The following ACLY variants were observed in gnomAD, a reference collection of about 807,000 sequenced individuals.
ACLY encodes the protein ATP-citrate synthase.
A neutral mutation model predicts 133.0 loss-of-function variants in ACLY; 41 were observed. That is an observed-to-expected ratio of 0.31 (90% CI 0.24 to 0.40). The LOEUF (loss-of-function observed/expected upper bound fraction) is 0.40, where lower values mean the gene tolerates loss of function less well. ACLY is among the 10% of genes least tolerant of loss of function. ACLY has a pLI of 1.00. For synonymous variants in ACLY, 495 were observed against 549.3 expected, an observed-to-expected ratio of 0.90 and a Z score of 1.38; for missense variants, 1,046 against 1,453.8, an observed-to-expected ratio of 0.72 and a Z score of 4.56.
At chr17:41,907,382 A>G in intron 7 of ACLY, 60 bp downstream of exon 7, 1 of 1,539,428 alleles carries the variant, frequency 6.5e-7, no homozygotes, top group East Asian at 2.3e-5. Context: ...CACATCAAAG[A>G]TGAGTCACCT....
intron 20 of ACLY, among the ~76,000 whole-genome samples, chr17:41,882,829 T>C (rs782292101): frequency 6.6e-6 from 1 of 152,112 alleles, no homozygotes; most frequent in Non-Finnish European, 1.5e-5. Flanking sequence ...AGTTCAAACA[T>C]CACCTTCTCA....
At chr17:41,911,456 C>T (rs1555633632) in intron 3 of ACLY, among the ~76,000 whole-genome samples, 3 of 152,210 alleles carry the variant, frequency 2.0e-5, no homozygotes, top group African/African-American at 7.2e-5. Context: ...TCTTACCCTT[C>T]CTAAACCATG....
rs1058875 is a variant in ACLY, at chr17:41,912,479, T to C, written c.223A>G (p.Asn75Asp). 5 of 1,614,262 alleles carry C rather than the reference T, an allele frequency of 3.1e-6. No homozygotes were observed. The highest frequency in any genetic ancestry group is 3.4e-6 in the Non-Finnish European group (4 of 1,180,042). The change falls in exon 3 of 29, where the codon AAC (asparagine) becomes GAC (aspartate). Residue 75 changes from asparagine (N) to aspartate (D), a missense_variant. Around this residue, in one of 4 missense-constraint regions of ACLY, gnomAD observed 227 missense variants for 245.6 expected, o/e 0.92. Transcript: ENST00000352035. Reference protein sequence around the residue: ...RRGKLGLVGVNLTLDGVKSWL... With the variant: ...RRGKLGLVGVDLTLDGVKSWL... The stretch of plus-strand genomic sequence containing the variant: ...GACTTGACCCCATCCAGAGTGAGGT[T>C]GACCCCAACGAGACCAAGTTTTCCA...
chr17:41,886,357 A>C, intron 17 of ACLY, 49 bp from the exon 18 acceptor site: 1 of 1,533,480 alleles, frequency 6.5e-7, no homozygotes, highest in Non-Finnish European at 8.9e-7. Flanking sequence ...TTCCAGATTC[A>C]CCACAAAGAA....
chr17:41,922,488 T>C (rs782263376), upstream of ACLY, among the ~76,000 whole-genome samples: 7 of 150,870 alleles, frequency 4.6e-5, no homozygotes, highest in Non-Finnish European at 8.8e-5. Context: ...AATACACTCC[T>C]GGGGAAATGG....
Position 41,886,127 on chromosome 17 carries a change from G to A in ACLY, c.2057C>T (p.Ala686Val). 6.2e-7 allele frequency: 1 copy of A among 1,613,742 alleles called. No individual in the cohort carries two copies. The highest frequency in any genetic ancestry group is 8.5e-7 in the Non-Finnish European group (1 of 1,179,798). The stretch of plus-strand genomic sequence containing the variant: ...AGCTGATTACCTGTCCCCACCAATG[G>A]CCACGCCCTCATAGACGCCATCCGT... Reference protein sequence around the residue: ...RTTDGVYEGVAIGGDRYPGST... With the variant: ...RTTDGVYEGVVIGGDRYPGST... Residue 686 changes from alanine to valine, a missense_variant, in exon 18 of 29, where the codon GCC (alanine) becomes GTC (valine). By Grantham distance (64) the Ala-to-Val change is moderately conservative. Coordinates refer to ENST00000352035, the MANE Select transcript of ACLY (RefSeq NM_001096.3).
chr17:41,894,423 G>A (rs1555629987), intron 14 of ACLY, among the ~76,000 whole-genome samples: 1 of 148,938 alleles, frequency 6.7e-6, no homozygotes, highest in Non-Finnish European at 1.5e-5. Flanking sequence ...AAAGGAGCTG[G>A]TAGAAGTGCA....
chr17:41,922,828 G>C (rs748820236), upstream of ACLY, among the ~76,000 whole-genome samples: 66 of 152,196 alleles, frequency 4.3e-4, no homozygotes, highest in Non-Finnish European at 8.7e-4. Context: ...CAGAGAGTGA[G>C]GGGGAAGAGG....
At chr17:41,869,403 G>GT in intron 26 of ACLY, 71 bp downstream of exon 26, 1 of 1,263,096 alleles carries the variant, frequency 7.9e-7, no homozygotes. Context: ...TAATCAAAAT[G>GT]TAACGTGGCT....
intron 1 of ACLY, among the ~76,000 whole-genome samples, chr17:41,917,121 C>G (rs1598049937): frequency 8.9e-6 from 1 of 112,534 alleles, no homozygotes; most frequent in Non-Finnish European, 1.7e-5. Flanking sequence ...GCCGACAGAG[C>G]AAGACTCTGT....
At chr17:41,903,209 C>G (rs1555631937) in intron 10 of ACLY, among the ~76,000 whole-genome samples, 1 of 152,182 alleles carries the variant, frequency 6.6e-6, no homozygotes, top group Non-Finnish European at 1.5e-5. Context: ...CACTGAGCAT[C>G]TGACAGCATG....
chr17:41,917,520 T>C (rs1390362540), intron 1 of ACLY, among the ~76,000 whole-genome samples: 2 of 152,000 alleles, frequency 1.3e-5, no homozygotes, highest in Non-Finnish European at 2.9e-5. Flanking sequence ...AGAAGCCTGT[T>C]CCCCAGAACA....
Position 41,904,731 on chromosome 17 carries a change from T to C in ACLY, c.1063A>G (p.Lys355Glu), listed in dbSNP as rs1555632259. 1 of 1,613,632 alleles carries C rather than the reference T, an allele frequency of 6.2e-7. No individual in the cohort carries two copies. The highest frequency in any genetic ancestry group is 2.2e-5 in the East Asian group (1 of 44,882). The part of the protein sequence containing the change: ...ANFTNVAATF[K>E]GIVRAIRDYQ... ...TGCACCACTGTTGCAACTGTTACCTTGAACGTGGCAGCCACGTTGGTGAAG... is the reference window on the plus strand; with the variant it reads ...TGCACCACTGTTGCAACTGTTACCTCGAACGTGGCAGCCACGTTGGTGAAG... Residue 355 changes from lysine to glutamate, a missense_variant and splice_region_variant, in exon 10 of 29, where the codon AAG becomes GAG. By Grantham distance (56) the Lys-to-Glu change is moderately conservative (BLOSUM62 1). This residue lies in a region of ACLY where 575 missense variants were observed against 804.2 expected (regional missense o/e 0.71). Coordinates refer to ENST00000352035, the MANE Select transcript of ACLY (RefSeq NM_001096.3).
chr17:41,916,565 C>T (rs1909928100), intron 1 of ACLY, among the ~76,000 whole-genome samples: 2 of 151,186 alleles, frequency 1.3e-5, no homozygotes, highest in South Asian at 4.2e-4. Context: ...TTAGTAGAGG[C>T]GGGGTTTCAC....
intron 11 of ACLY, 88 bp downstream of exon 11, chr17:41,901,608 C>T: frequency 4.3e-6 from 5 of 1,156,876 alleles, no homozygotes; most frequent in Non-Finnish European, 6.4e-6. Flanking sequence ...GCAAAAGAGC[C>T]TAAGACTGAT....
intron 21 of ACLY, among the ~76,000 whole-genome samples, chr17:41,878,424 C>T (rs898716910): frequency 9.2e-5 from 14 of 152,098 alleles, no homozygotes; most frequent in African/African-American, 2.9e-4. Flanking sequence ...AGGACACAGC[C>T]GGGAGTCCAG....
At chr17:41,908,108 T>A (rs1329188418) in intron 6 of ACLY, among the ~76,000 whole-genome samples, 9 of 152,128 alleles carry the variant, frequency 5.9e-5, no homozygotes, top group Non-Finnish European at 1.0e-4. Flanking sequence ...CCAGGGCCAT[T>A]TAGCTGATTG....
At chr17:41,920,922 C>T (rs2050172603), upstream of ACLY, among the ~76,000 whole-genome samples, 15 of 151,940 alleles carry the variant, frequency 9.9e-5, no homozygotes, top group Admixed American at 8.5e-4. Flanking sequence ...ATTAGCTGGG[C>T]GTGGTGGCAG....
intron 6 of ACLY, among the ~76,000 whole-genome samples, chr17:41,908,058 C>T (rs2049778465): frequency 1.3e-5 from 2 of 152,132 alleles, no homozygotes; most frequent in Admixed American, 6.5e-5. Flanking sequence ...CAGCAGGATT[C>T]GTTTATACCA....
Sources: allele counts gnomAD v4.1 joint callset (sites outside exome capture counted in the v4.1 genomes callset), GRCh38; gene constraint gnomAD v4.1.1; regional missense constraint gnomAD v4.1.1; transcripts MANE v1.5; gene names NCBI Gene and HGNC (gene_info 2026-07-23, HGNC 2026-07-21).